MGA: variants seen among roughly 807,000 people sequenced by gnomAD.
MGA encodes MAX dimerization protein MGA.
Under a neutral mutation model 261.1 loss-of-function variants are expected in MGA, and 40 were observed. The observed-to-expected ratio is 0.15, with a 90% CI of 0.12 to 0.20. The LOEUF is 0.20. MGA is among the 10% of genes least tolerant of loss of function. The pLI is 1.00. For synonymous variants in MGA, 1,302 were observed against 1,290.6 expected, an observed-to-expected ratio of 1.01 and a Z score of -0.19; for missense variants, 3,397 against 3,630.5, an observed-to-expected ratio of 0.94 and a Z score of 1.65.
chr15:41,702,322 CAAA>C (rs10713634), intron 5 of MGA, among the ~76,000 whole-genome samples: 26 of 127,588 alleles, frequency 2.0e-4, no homozygotes, highest in Non-Finnish European at 1.8e-4. Context: ...GACATTGTCT[CAAA>C]AAAAAAAAAA....
intron 1 of MGA, among the ~76,000 whole-genome samples, chr15:41,668,508 T>A (rs1215581534): frequency 6.6e-6 from 1 of 152,198 alleles, no homozygotes; most frequent in Non-Finnish European, 1.5e-5. Flanking sequence ...TTTAACTTTT[T>A]AATTTTGTAT....
chr15:41,687,178 G>A (rs1314036527), intron 2 of MGA, among the ~76,000 whole-genome samples: 3 of 151,608 alleles, frequency 2.0e-5, no homozygotes, highest in African/African-American at 7.3e-5. Flanking sequence ...TGTTCTACTT[G>A]TTTTTGGTTT....
At chr15:41,723,213 C>G (rs1216155641) in intron 9 of MGA, among the ~76,000 whole-genome samples, 5 of 151,816 alleles carry the variant, frequency 3.3e-5, no homozygotes, top group African/African-American at 4.8e-5. Flanking sequence ...AGGAGAATCT[C>G]TAGTGTCATT....
chr15:41,713,196 G>T lies in MGA; in HGVS notation c.3130G>T (p.Ala1044Ser). 5 of 1,613,874 alleles carry T rather than the reference G, an allele frequency of 3.1e-6. No homozygotes were observed. Among genetic ancestry groups the T allele is most frequent in the Middle Eastern group, 3.3e-4 (2 of 6,062 alleles). Residue 1044 changes from alanine (A) to serine (S), a missense_variant, in exon 9 of 24, where the codon GCC (alanine) becomes TCC (serine). Transcript: ENST00000219905. ...TATCCACACAATCATAAGGAAACGA[G>T]CCCCTCCCTGCAACAATGACTTCTG... is the stretch of plus-strand genomic sequence containing the variant.
chr15:41,676,341 C>G (rs1051963929), intron 2 of MGA, among the ~76,000 whole-genome samples: 11 of 152,196 alleles, frequency 7.2e-5, no homozygotes, highest in Non-Finnish European at 1.5e-4. Context: ...CGCCACCAAA[C>G]CTGGCTAATT....
At chr15:41,648,899 C>T (rs935558966) in intron 1 of MGA, among the ~76,000 whole-genome samples, 2 of 151,842 alleles carry the variant, frequency 1.3e-5, no homozygotes, top group African/African-American at 4.8e-5. Context: ...AGGAGAGAGC[C>T]AGAATGAGTG....
At chr15:41,708,536 C>G (rs1488292341) in intron 7 of MGA, among the ~76,000 whole-genome samples, 1 of 152,236 alleles carries the variant, frequency 6.6e-6, no homozygotes, top group Admixed American at 6.5e-5. Flanking sequence ...CCAGGCTGGT[C>G]TGGAACTCCT....
intron 8 of MGA, among the ~76,000 whole-genome samples, chr15:41,711,841 A>C (rs950340152): frequency 2.7e-4 from 41 of 152,122 alleles, no homozygotes; most frequent in African/African-American, 9.9e-4. Context: ...GACTATAGGC[A>C]CATACCACTG....
intron 9 of MGA, 57 bp from the exon 10 acceptor site, chr15:41,727,123 A>G: frequency 7.2e-7 from 1 of 1,394,378 alleles, no homozygotes; most frequent in Non-Finnish European, 9.8e-7. Flanking sequence ...GCAGTGCCTC[A>G]GTATTGATCT....
chr15:41,686,004 C>CAAA (rs34711774), intron 2 of MGA, among the ~76,000 whole-genome samples: 8 of 129,136 alleles, frequency 6.2e-5, no homozygotes, highest in African/African-American at 2.0e-4. Context: ...GACTCTGTCT[C>CAAA]AAAAAAAAAA....
intron 1 of MGA, among the ~76,000 whole-genome samples, chr15:41,649,077 A>AT (rs772841407): frequency 6.6e-6 from 1 of 152,134 alleles, no homozygotes; most frequent in Non-Finnish European, 1.5e-5. Context: ...TTAGGGTACA[A>AT]TGTAGAGGTT....
Position 41,680,573 on chromosome 15 carries a change from A to G in MGA, c.1064+10615A>G, listed in dbSNP as rs149300452. On this transcript the variant is annotated intron_variant, in intron 2 of 23. Coordinates refer to ENST00000219905, the MANE Select transcript of MGA (RefSeq NM_001164273.2). ...GATTCTCACAATCTCTCTCAGGTTC[A>G]CTAATTCACTAGACTCATAGAACTC... 1.4e-3 allele frequency among the ~76,000 whole-genome samples: 215 copies of G among 152,288 alleles called. 1 individual carries two copies. The highest frequency in any genetic ancestry group is 4.6e-3 in the African/African-American group (193 of 41,562).
At chr15:41,623,503 G>GGGAGGC (rs2056360326) in intron 1 of MGA, among the ~76,000 whole-genome samples, 1 of 152,066 alleles carries the variant, frequency 6.6e-6, no homozygotes, top group South Asian at 2.1e-4. Context: ...CCAGCACTTT[G>GGGAGGC]GGAGGCGGAG....
chr15:41,713,287 C>T lies in MGA; in HGVS notation c.3221C>T (p.Pro1074Leu). 2 of 1,613,950 alleles carry T rather than the reference C, an allele frequency of 1.2e-6. No individual in the cohort carries two copies. Among genetic ancestry groups the T allele is most frequent in the Non-Finnish European group, 1.7e-6 (2 of 1,179,892 alleles). Residue 1074 changes from proline to leucine, a missense_variant, in exon 9 of 24, where the codon CCA becomes CTA. Pro to Leu is a moderately conservative substitution (Grantham distance 98). Around this residue, in one of 9 missense-constraint regions of MGA, gnomAD observed 519 missense variants for 554.1 expected, o/e 0.94. Transcript: ENST00000219905. The stretch of plus-strand genomic sequence containing the variant: ...CGCCAACCTGCTCACTGCCGCCGAC[C>T]AGACTGCATGTTTGGTTGTACTTGT...
At chr15:41,665,992 T>G (rs951234829) in intron 1 of MGA, among the ~76,000 whole-genome samples, 1 of 151,886 alleles carries the variant, frequency 6.6e-6, no homozygotes, top group African/African-American at 2.4e-5. Context: ...TATGGCTCAC[T>G]GCAACCTGAA....
chr15:41,692,999 A>AT (rs1235994720), intron 2 of MGA, among the ~76,000 whole-genome samples: 4 of 151,914 alleles, frequency 2.6e-5, no homozygotes, highest in Non-Finnish European at 5.9e-5. Flanking sequence ...CGCCCAGCCA[A>AT]TTTTTTAAAA....
At chr15:41,693,590 A>G (rs1174641351) in intron 2 of MGA, among the ~76,000 whole-genome samples, 1 of 152,144 alleles carries the variant, frequency 6.6e-6, no homozygotes, top group Non-Finnish European at 1.5e-5. Flanking sequence ...AAGTAGTGAA[A>G]AAAATAGTAC....
chr15:41,628,052 A>G (rs2056497796), intron 1 of MGA, among the ~76,000 whole-genome samples: 1 of 152,168 alleles, frequency 6.6e-6, no homozygotes, highest in Non-Finnish European at 1.5e-5. Context: ...TGGAAATTAT[A>G]TTTTGGTAGA....
chr15:41,669,891 C>G lies in MGA; in HGVS notation c.997C>G (p.Leu333Val). The G allele has an allele frequency of 6.2e-7, 1 of 1,613,980 alleles. No homozygotes were observed. The highest frequency in any genetic ancestry group is 8.5e-7 in the Non-Finnish European group (1 of 1,179,898). ...TTCCCTTAATATAAAACGAGACTTT[C>G]TTGGTTTCATGGATACTGATTCAGC... Residue 333 changes from leucine (L) to valine (V), a missense_variant, in exon 2 of 24, where the codon CTT becomes GTT. Physicochemically the swap from Leu to Val is conservative, Grantham distance 32 (BLOSUM62 1). Coordinates refer to ENST00000219905, the MANE Select transcript of MGA (RefSeq NM_001164273.2).
Sources: allele counts gnomAD v4.1 joint callset (sites outside exome capture counted in the v4.1 genomes callset), GRCh38; gene constraint gnomAD v4.1.1; regional missense constraint gnomAD v4.1.1; transcripts MANE v1.5; gene names NCBI Gene and HGNC (gene_info 2026-07-23, HGNC 2026-07-21).